NCOR2: variants seen among roughly 807,000 people sequenced by gnomAD.
NCOR2 encodes CTG repeat protein 26.
In NCOR2, 81 loss-of-function variants were observed where a neutral mutation model predicts 262.9. The ratio of observed to expected loss-of-function variants is 0.31; its 90% CI spans 0.26 to 0.37. The LOEUF (loss-of-function observed/expected upper bound fraction) is 0.37, where lower values mean the gene tolerates loss of function less well. NCOR2 is among the 10% of genes least tolerant of loss of function. The pLI, the probability that NCOR2 is intolerant of heterozygous loss-of-function variation, is 1.00. For synonymous variants in NCOR2, 1,659 were observed against 1,559.3 expected (o/e 1.06, Z -1.51); for missense variants, 3,385 against 3,621.4 (o/e 0.93, Z 1.68).
intron 1 of NCOR2, among the ~76,000 whole-genome samples, chr12:124,521,202 T>C (rs1049730708): frequency 4.6e-5 from 7 of 152,142 alleles, no homozygotes; most frequent in African/African-American, 1.7e-4. Flanking sequence ...AGACCCCCAC[T>C]CACTTCCTCC....
chr12:124,509,516 C>T (rs1369758814), intron 1 of NCOR2, among the ~76,000 whole-genome samples: 1 of 152,206 alleles, frequency 6.6e-6, no homozygotes, highest in Admixed American at 6.5e-5. Context: ...GATAGCAACC[C>T]TCCTAAAACA....
chr12:124,522,251 A>G (rs1248801021), intron 1 of NCOR2, among the ~76,000 whole-genome samples: 1 of 152,278 alleles, frequency 6.6e-6, no homozygotes, highest in African/African-American at 2.4e-5. Context: ...ATTTTAAAAT[A>G]CATGAGTGAT....
At chr12:124,445,195 G>A (rs1241888629) in intron 7 of NCOR2, among the ~76,000 whole-genome samples, 3 of 152,222 alleles carry the variant, frequency 2.0e-5, no homozygotes, top group Non-Finnish European at 4.4e-5. Flanking sequence ...AGCGCCATCT[G>A]CCGCTCATCC....
chr12:124,341,721 A>G, intron 34 of NCOR2, 102 bp downstream of exon 36: 3 of 1,499,104 alleles, frequency 2.0e-6, no homozygotes, highest in Non-Finnish European at 2.7e-6. Context: ...GGTGACCCAC[A>G]AGGTGACCAG....
chr12:124,566,668 A>T lies in NCOR2; in HGVS notation c.-165+640T>A, dbSNP rs1238789956. On this transcript the variant is annotated intron_variant, in intron 1 of 32. Transcript: ENST00000458234. This position sits in a 1 kb window ranked among gnomAD's most constrained non-coding sequence, Gnocchi z 4.3. ...CGGGGGAGGGACTAGGAGGCGGCCCAATGAGGCGTCACCAGCCACGGGAGG... is the reference window on the plus strand; with the variant it reads ...CGGGGGAGGGACTAGGAGGCGGCCCTATGAGGCGTCACCAGCCACGGGAGG... Among the ~76,000 whole-genome samples, 1 of 152,162 alleles carries T rather than the reference A, an allele frequency of 6.6e-6. No individual in the cohort carries two copies. Among genetic ancestry groups the T allele is most frequent in the African/African-American group, 2.4e-5 (1 of 41,438 alleles).
At chr12:124,450,094 C>G (rs1305598849) in intron 6 of NCOR2, among the ~76,000 whole-genome samples, 2 of 152,192 alleles carry the variant, frequency 1.3e-5, no homozygotes, top group Non-Finnish European at 1.5e-5. Flanking sequence ...CCACCCCCAC[C>G]AAGGTCGTCA....
intron 1 of NCOR2, among the ~76,000 whole-genome samples, chr12:124,508,428 T>C (rs2049174947): frequency 6.6e-6 from 1 of 152,146 alleles, no homozygotes; most frequent in Admixed American, 6.5e-5. Context: ...AGCGTCTACC[T>C]GGGATCGGAT....
rs143524463 is a variant in NCOR2, at chr12:124,380,104, G to T, written c.2020-1720C>A. Reference sequence around the variant, plus strand: ...GGGAATCACACATCCCTCTGCGCTGGTGCACCCGGATTCCAAGAAAAAGCT... The same window carrying T: ...GGGAATCACACATCCCTCTGCGCTGTTGCACCCGGATTCCAAGAAAAAGCT... On this transcript the variant is annotated intron_variant, in intron 17 of 46. Transcript: ENST00000405201. Among the ~76,000 whole-genome samples the T allele has an allele frequency of 2.0e-3, 304 of 152,340 alleles. 1 individual carries two copies. The highest frequency in any genetic ancestry group is 7.0e-3 in the African/African-American group (289 of 41,578).
intron 1 of NCOR2, among the ~76,000 whole-genome samples, chr12:124,535,332 C>T (rs141146255): frequency 2.0e-5 from 3 of 152,366 alleles, no homozygotes; most frequent in Admixed American, 1.3e-4. Flanking sequence ...CAAAAAATCA[C>T]TGCACCAACT....
At chr12:124,422,511 A>G in exon 12 of NCOR2, 1 of 1,614,098 alleles carries the variant, frequency 6.2e-7, no homozygotes, top group Non-Finnish European at 8.5e-7. Flanking sequence ...CTTCCTCTCC[A>G]GGAATGATGC....
exon 36 of NCOR2, chr12:124,340,427 C>T (rs1283308546): frequency 6.2e-7 from 1 of 1,612,776 alleles, no homozygotes; most frequent in Admixed American, 1.7e-5. Flanking sequence ...TTGGTTTTGT[C>T]AAGTGTGTTG....
chr12:124,383,494 C>A (rs2040563902), intron 17 of NCOR2: 1 of 937,682 alleles, frequency 1.1e-6, no homozygotes, highest in Non-Finnish European at 1.4e-6. Flanking sequence ...AGTGCTCATA[C>A]CTCCCACAAA....
At chr12:124,558,452 G>C (rs905440089) in intron 1 of NCOR2, among the ~76,000 whole-genome samples, 3 of 152,210 alleles carry the variant, frequency 2.0e-5, no homozygotes, top group Admixed American at 1.3e-4. Flanking sequence ...AGTCACTCTA[G>C]CTGCTGTGGC....
At position 124,398,049 on chromosome 12, in the gene NCOR2, C is replaced by T. The variant is rs371168309; in HGVS notation, c.1876+70G>A. On this transcript the variant is annotated intron_variant, in intron 16 of 46. Coordinates refer to ENST00000405201, the Ensembl canonical transcript of NCOR2. Reference sequence around the variant, plus strand: ...TCAAGGCCAAATGTGTCAACACCCTCCCCAGCACGTGAGCTTCAGGCGCCC... The same window carrying T: ...TCAAGGCCAAATGTGTCAACACCCTTCCCAGCACGTGAGCTTCAGGCGCCC... The T allele has an allele frequency of 4.3e-5, 68 of 1,575,934 alleles. No homozygotes were observed. In the African/African-American group the frequency reaches 8.6e-4, roughly 20 times the overall value.
intron 1 of NCOR2, among the ~76,000 whole-genome samples, chr12:124,563,863 C>G (rs1001171307): frequency 3.3e-5 from 5 of 152,220 alleles, no homozygotes; most frequent in Non-Finnish European, 7.3e-5. Flanking sequence ...ATATCCTCTA[C>G]GGCAGCTTTG....
At chr12:124,377,576 C>T (rs915232027) in intron 18 of NCOR2, among the ~76,000 whole-genome samples, 8 of 152,164 alleles carry the variant, frequency 5.3e-5, no homozygotes, top group African/African-American at 1.4e-4. Context: ...TGGTGACTCA[C>T]ACCTGTAATT....
chr12:124,499,178 A>G (rs1389570252), upstream of NCOR2, among the ~76,000 whole-genome samples: 1 of 152,254 alleles, frequency 6.6e-6, no homozygotes, highest in Non-Finnish European at 1.5e-5. Flanking sequence ...TGGGGGCAGG[A>G]GAGGACGAGG....
At chr12:124,448,953 C>T (rs1166824560) in intron 7 of NCOR2, among the ~76,000 whole-genome samples, 1 of 152,202 alleles carries the variant, frequency 6.6e-6, no homozygotes, top group Non-Finnish European at 1.5e-5. Context: ...CAGCTATGAT[C>T]CTGAAGAGTC....
chr12:124,433,883 C>CAA (rs1284524208), intron 8 of NCOR2, among the ~76,000 whole-genome samples: 5,403 of 78,868 alleles, frequency 0.069, 491 homozygotes, highest in African/African-American at 0.14. Context: ...CACACACACA[C>CAA]ACACACACAC....
Sources: allele counts gnomAD v4.1 joint callset (sites outside exome capture counted in the v4.1 genomes callset), GRCh38; gene constraint gnomAD v4.1.1; non-coding constraint Gnocchi (gnomAD v3.1); transcripts MANE v1.5; gene names NCBI Gene and HGNC (gene_info 2026-07-23, HGNC 2026-07-21).